STK10: variants seen among roughly 807,000 people sequenced by gnomAD.
The protein encoded by STK10 is serine/threonine-protein kinase 10.
A neutral mutation model predicts 113.8 loss-of-function variants in STK10; 78 were observed. The ratio of observed to expected loss-of-function variants is 0.69; its 90% confidence interval spans 0.57 to 0.83. The LOEUF (loss-of-function observed/expected upper bound fraction) is 0.83, where lower values mean the gene tolerates loss of function less well. Ranked by LOEUF, STK10 falls within the 40% of genes least tolerant of loss-of-function variation. The probability of loss-of-function intolerance (pLI) is 0.00; values close to 1 mark genes in which losing one functional copy is unlikely to be tolerated. For synonymous variants in STK10, 465 were observed against 494.7 expected, an observed-to-expected ratio of 0.94 and a Z score of 0.80; for missense variants, 1,109 against 1,280.1, an observed-to-expected ratio of 0.87 and a Z score of 2.04.
chr5:172,047,810 G>A (rs886148401), intron 18 of STK10, among the ~76,000 whole-genome samples: 2 of 151,774 alleles, frequency 1.3e-5, no homozygotes, highest in Non-Finnish European at 2.9e-5. Context: ...TCCTTGGCCT[G>A]TACTATGTGC....
intron 12 of STK10, among the ~76,000 whole-genome samples, chr5:172,080,465 G>A (rs1286706121): frequency 6.6e-6 from 1 of 152,244 alleles, no homozygotes; most frequent in African/African-American, 2.4e-5. Flanking sequence ...TCCTACACCA[G>A]ACGGTTAGCC....
rs1767739192 is a variant in STK10, at chr5:172,055,788, T to C, written c.2338-12A>G. Reference sequence around the variant, plus strand: ...ATCTGCTCCCGCTCCTGGAGAGGAATATCCAGAGGGGCTGAGGGCAGCTGC... The same window carrying C: ...ATCTGCTCCCGCTCCTGGAGAGGAACATCCAGAGGGGCTGAGGGCAGCTGC... On this transcript the variant is annotated splice_polypyrimidine_tract_variant and intron_variant, in intron 15 of 18. Transcript: ENST00000176763. 3.4e-6 allele frequency: 5 copies of C among 1,461,842 alleles called. No homozygotes were observed. The highest frequency in any genetic ancestry group is 1.5e-5 in the South Asian group (1 of 68,744). The allele number at this position is 1,461,842 out of a possible 1,614,324, so 90.6% of individuals were successfully genotyped here.
chr5:172,141,964 C>A (rs1476142922), intron 2 of STK10, among the ~76,000 whole-genome samples: 1 of 152,210 alleles, frequency 6.6e-6, no homozygotes, highest in Non-Finnish European at 1.5e-5. Flanking sequence ...CTCGTCCATT[C>A]ATTCATAAAT....
chr5:172,184,701 G>T (rs1417420555), intron 1 of STK10, among the ~76,000 whole-genome samples: 4 of 152,092 alleles, frequency 2.6e-5, no homozygotes, highest in Admixed American at 2.0e-4. Context: ...CCCCAGACTC[G>T]AGTGCAGCGG....
chr5:172,132,001 T>C (rs1459171310), intron 2 of STK10, among the ~76,000 whole-genome samples: 1 of 152,230 alleles, frequency 6.6e-6, no homozygotes, highest in Non-Finnish European at 1.5e-5. Context: ...CCTTCCACGA[T>C]GGCAAGAAGG....
At chr5:172,069,821 A>T (rs2113713375) in intron 12 of STK10, among the ~76,000 whole-genome samples, 1 of 152,336 alleles carries the variant, frequency 6.6e-6, no homozygotes, top group Admixed American at 6.5e-5. Flanking sequence ...GACCTACTTG[A>T]CATTTATAGA....
Position 172,120,270 on chromosome 5 carries a change from C to T in STK10, c.371-2640G>A, listed in dbSNP as rs72841793. Among the ~76,000 whole-genome samples, 19,238 of 152,188 alleles carry T rather than the reference C, an allele frequency of 0.13. 1,224 individuals carry two copies. The highest frequency in any genetic ancestry group is 0.15 in the Non-Finnish European group (9,879 of 67,990). The stretch of plus-strand genomic sequence containing the variant: ...CTGCCTACAACAGCACTGCTGTGTC[C>T]GGCTTGCCTAGTGGTGCCTGGACAG... On this transcript the variant is annotated intron_variant, in intron 3 of 18. Transcript: ENST00000176763. This position sits in a 1 kb window ranked among gnomAD's most constrained non-coding sequence, Gnocchi z 4.0.
intron 12 of STK10, among the ~76,000 whole-genome samples, chr5:172,069,220 C>G (rs574148063): frequency 4.0e-5 from 6 of 151,788 alleles, no homozygotes; most frequent in Non-Finnish European, 8.8e-5. Flanking sequence ...GCCATAAACA[C>G]CTCTACTAAA....
At chr5:172,116,375 C>T (rs1009656423) in intron 4 of STK10, among the ~76,000 whole-genome samples, 1 of 152,082 alleles carries the variant, frequency 6.6e-6, no homozygotes, top group Non-Finnish European at 1.5e-5. Context: ...AGCCACCATG[C>T]CTGGCCGAAA....
In STK10 at chr5:172,074,691, A is replaced by G. The variant is rs529801394; in HGVS notation, c.1989+7635T>C. On this transcript the variant is annotated intron_variant, in intron 12 of 18. Coordinates refer to ENST00000176763, the MANE Select transcript of STK10 (RefSeq NM_005990.4). The stretch of plus-strand genomic sequence containing the variant: ...AGCATAATCCCTAAAAGAAAAAATG[A>G]TAAAACAGACTTCATCAAAAACAAA... 2.0e-5 allele frequency among the ~76,000 whole-genome samples: 3 copies of G among 152,316 alleles called. No homozygotes were observed. The East Asian group carries it at 5.8e-4, about 29-fold the overall frequency.
Position 172,156,786 on chromosome 5 carries a change from G to T in STK10, c.159C>A (p.Ala53=), listed in dbSNP as rs1338280164. The stretch of plus-strand genomic sequence containing the variant: ...CCAAAGCACCCGTCTCCTTATTCTT[G>T]GCCTGCAAAGAGGAGATACAGGAGG... ...GDGAFGKVYK[A]KNKETGALAA... The change falls in exon 2 of 19, where the codon GCC becomes GCA. Residue 53 remains alanine, a splice_region_variant and synonymous_variant. Transcript: ENST00000176763. The T allele has an allele frequency of 2.0e-5, 33 of 1,613,098 alleles. No individual in the cohort carries two copies. The highest frequency in any genetic ancestry group is 2.8e-5 in the Non-Finnish European group (33 of 1,179,312).
intron 18 of STK10, among the ~76,000 whole-genome samples, chr5:172,046,837 G>T (rs1767504720): frequency 6.6e-6 from 1 of 152,180 alleles, no homozygotes; most frequent in Non-Finnish European, 1.5e-5. Flanking sequence ...AATATAGGTG[G>T]TGGGCCAGAT....
intron 18 of STK10, among the ~76,000 whole-genome samples, chr5:172,047,630 G>C (rs2065752655): frequency 6.6e-6 from 1 of 152,148 alleles, no homozygotes; most frequent in South Asian, 2.1e-4. Flanking sequence ...GGACTCCCAA[G>C]GCCATCACAC....
chr5:172,109,309 G>C (rs985812390), intron 4 of STK10, among the ~76,000 whole-genome samples: 7 of 151,224 alleles, frequency 4.6e-5, no homozygotes, highest in African/African-American at 1.7e-4. Flanking sequence ...TGCAGGACTA[G>C]CAAAAATAAA....
rs769177193 is a variant in STK10, at chr5:172,044,929, T to C, written c.2860A>G (p.Ser954Gly). 6.2e-7 allele frequency: 1 copy of C among 1,614,208 alleles called. No homozygotes were observed. The highest frequency in any genetic ancestry group is 1.1e-5 in the South Asian group (1 of 91,090). ...EAECPNPSTPSKAAKFFPYSS... is the reference protein window; with the variant it reads ...EAECPNPSTPGKAAKFFPYSS... ...TAGGGGAAGAACTTGGCGGCCTTGC[T>C]TGGGGTGGAGGGGTTTGGGCACTCC... is the stretch of plus-strand genomic sequence containing the variant. Residue 954 changes from serine to glycine, a missense_variant, in exon 19 of 19, where the codon AGC (serine) becomes GGC (glycine). Physicochemically the swap from Ser to Gly is moderately conservative, Grantham distance 56. Coordinates refer to ENST00000176763, the MANE Select transcript of STK10 (RefSeq NM_005990.4). The surrounding 1 kb of genome is among the most constrained non-coding windows in gnomAD (Gnocchi z 4.5).
chr5:172,054,913 A>T (rs1474142058), intron 16 of STK10, among the ~76,000 whole-genome samples: 5 of 152,156 alleles, frequency 3.3e-5, no homozygotes, highest in Non-Finnish European at 7.4e-5. Flanking sequence ...TGGGGACATG[A>T]CACTGCAATG....
chr5:172,123,912 T>A (rs533793822), intron 3 of STK10, among the ~76,000 whole-genome samples: 1 of 152,092 alleles, frequency 6.6e-6, no homozygotes, highest in South Asian at 2.1e-4. Context: ...AGAAATCAAG[T>A]CCATATCACA....
intron 2 of STK10, among the ~76,000 whole-genome samples, chr5:172,155,555 A>G (rs1464126567): frequency 6.6e-6 from 1 of 152,022 alleles, no homozygotes; most frequent in Non-Finnish European, 1.5e-5. Flanking sequence ...AAAAAATCCA[A>G]AGATGTCCAT....
At position 172,082,036 on chromosome 5, in the gene STK10, G is replaced by A. The variant is rs74823288; in HGVS notation, c.1989+290C>T. ...GACCACCAGCCCTTCCTTCTTCCCC[G>A]CTCTTTCTCGGCAGGGGTTGCTAAG... On this transcript the variant is annotated intron_variant, in intron 12 of 18. Transcript: ENST00000176763. The surrounding 1 kb of genome is among the most constrained non-coding windows in gnomAD (Gnocchi z 4.3). Among the ~76,000 whole-genome samples, 5,024 of 152,094 alleles carry A rather than the reference G, an allele frequency of 0.033. 274 individuals carry two copies. The highest frequency in any genetic ancestry group is 0.11 in the African/African-American group (4,753 of 41,440).
Sources: allele counts gnomAD v4.1 joint callset (sites outside exome capture counted in the v4.1 genomes callset), GRCh38; gene constraint gnomAD v4.1.1; non-coding constraint Gnocchi (gnomAD v3.1); transcripts MANE v1.5; gene names NCBI Gene and HGNC (gene_info 2026-07-23, HGNC 2026-07-21).